KIF5C: variants seen among roughly 807,000 people sequenced by gnomAD.
KIF5C encodes the protein kinesin heavy chain isoform 5C.
KIF5C carries 18 observed loss-of-function variants against 125.2 expected under a neutral mutation model. The ratio of observed to expected loss-of-function variants is 0.14; its 90% CI spans 0.10 to 0.21. The LOEUF (loss-of-function observed/expected upper bound fraction) is 0.21. Among genes scored for constraint, KIF5C ranks in the 10% least tolerant of loss-of-function variants. The pLI is 1.00. For missense variants in KIF5C, 780 were observed against 1,183.8 expected, an observed-to-expected ratio of 0.66 and a Z score of 5.01; for synonymous variants, 405 against 434.0, an observed-to-expected ratio of 0.93 and a Z score of 0.83.
rs1681209625 is a variant in KIF5C, at chr2:148,876,908, A to G, written c.126+1165A>G. On this transcript the variant is annotated intron_variant, in intron 1 of 25. Coordinates refer to ENST00000435030, the MANE Select transcript of KIF5C (RefSeq NM_004522.3). The surrounding 1 kb of genome is among the most constrained non-coding windows in gnomAD (Gnocchi z 4.7). The stretch of plus-strand genomic sequence containing the variant: ...GCCTTCCCGTCCCCAGCATTGATTA[A>G]GTGATGTCATCCTGATCACTGAGCA... Among the ~76,000 whole-genome samples the G allele has an allele frequency of 6.6e-6, 1 of 152,150 alleles. No individual in the cohort carries two copies. The highest frequency in any genetic ancestry group is 1.9e-4 in the East Asian group (1 of 5,174).
At chr2:148,939,089 T>A (rs1682351811) in intron 4 of KIF5C, among the ~76,000 whole-genome samples, 1 of 121,356 alleles carries the variant, frequency 8.2e-6, no homozygotes, top group Non-Finnish European at 1.7e-5. Flanking sequence ...AGAGAGATTC[T>A]GTCTTAAAAA....
chr2:149,026,243 A>G lies in KIF5C; in HGVS notation c.*3173A>G, dbSNP rs1385510141. ...TCTTGAGCAAGCTAAAGAAACCATC[A>G]TAATCTAAAATTGCTTCATTTAACA... is the stretch of plus-strand genomic sequence containing the variant. On this transcript the variant is annotated 3_prime_UTR_variant, in exon 26 of 26. Coordinates refer to ENST00000435030, the MANE Select transcript of KIF5C (RefSeq NM_004522.3). 6.6e-6 allele frequency: 1 copy of G among 152,256 alleles called. No individual in the cohort carries two copies. Among genetic ancestry groups the G allele is most frequent in the African/African-American group, 2.4e-5 (1 of 41,462 alleles). The allele number at this position is 152,256 out of a possible 1,614,324, so 9.4% of individuals were successfully genotyped here. A position where few individuals can be genotyped will look rare whatever the true frequency, so the allele number is the denominator to read the frequency against.
chr2:148,903,387 C>A (rs551190046), intron 1 of KIF5C, among the ~76,000 whole-genome samples: 1 of 152,296 alleles, frequency 6.6e-6, no homozygotes, highest in Admixed American at 6.5e-5. Flanking sequence ...CCTTCTCCCT[C>A]CTTGAAAGAA....
At chr2:149,017,935 G>C (rs963349853) in intron 25 of KIF5C, among the ~76,000 whole-genome samples, 2 of 152,122 alleles carry the variant, frequency 1.3e-5, no homozygotes, top group Non-Finnish European at 2.9e-5. Flanking sequence ...AAAATAAAGA[G>C]CTAGGTGCAA....
At position 148,981,615 on chromosome 2, in the gene KIF5C, T is replaced by G. The variant is rs1466014032; in HGVS notation, c.1569+54T>G. 2.6e-6 allele frequency: 4 copies of G among 1,511,458 alleles called. No individual in the cohort carries two copies. The Admixed American group carries it at 8.7e-5, about 33-fold the overall frequency. 93.6% of individuals were successfully genotyped at this position (1,511,458 alleles called of 1,614,324 possible). On this transcript the variant is annotated intron_variant, in intron 14 of 25. Coordinates refer to ENST00000435030, the MANE Select transcript of KIF5C (RefSeq NM_004522.3). ...ACTTCCTTGGCTGCCGTTCCTGTAC[T>G]CATATTGATATTCATTGACAGACAT... is the stretch of plus-strand genomic sequence containing the variant.
At chr2:148,966,324 G>A (rs1683047328) in intron 11 of KIF5C, among the ~76,000 whole-genome samples, 1 of 151,604 alleles carries the variant, frequency 6.6e-6, no homozygotes, top group Non-Finnish European at 1.5e-5. Flanking sequence ...CAAGGAAGGG[G>A]TATGTGTAGC....
intron 25 of KIF5C, among the ~76,000 whole-genome samples, chr2:149,022,643 G>C (rs1176557722): frequency 1.3e-5 from 2 of 151,734 alleles, no homozygotes; most frequent in South Asian, 4.2e-4. Context: ...ATGTGGCTTG[G>C]CCGGGCACGG....
chr2:148,996,156 A>G (rs1196112668), intron 17 of KIF5C, among the ~76,000 whole-genome samples: 1 of 152,112 alleles, frequency 6.6e-6, no homozygotes. Flanking sequence ...CTCCATCTTG[A>G]AAAAAAAGTG....
chr2:148,936,160 C>T (rs1053834455), intron 3 of KIF5C, among the ~76,000 whole-genome samples: 1 of 152,142 alleles, frequency 6.6e-6, no homozygotes, highest in Non-Finnish European at 1.5e-5. Context: ...TGCGGTGGTG[C>T]ACACCTGTAG....
chr2:148,939,272 C>T (rs1682357889), intron 4 of KIF5C, among the ~76,000 whole-genome samples: 2 of 152,194 alleles, frequency 1.3e-5, no homozygotes. Flanking sequence ...AAAGAAGGCA[C>T]CAACTGTTTG....
At chr2:148,979,477 T>G (rs1335252624) in intron 13 of KIF5C, among the ~76,000 whole-genome samples, 2 of 152,260 alleles carry the variant, frequency 1.3e-5, no homozygotes, top group African/African-American at 4.8e-5. Flanking sequence ...TTTCTCTATG[T>G]TGGTCAGGGT....
chr2:148,922,214 G>A lies in KIF5C; in HGVS notation c.204G>A (p.Lys68=), dbSNP rs750876202. ...TQEQVYNACA[K]QIVKDVLEGY... ...AGCAGGTTTACAATGCATGTGCGAAGCAAATTGTCAAAGGTAAGTGCTATT... is the reference window on the plus strand; with the variant it reads ...AGCAGGTTTACAATGCATGTGCGAAACAAATTGTCAAAGGTAAGTGCTATT... Residue 68 remains lysine (K), a synonymous_variant, in exon 2 of 26, where the codon AAG becomes AAA. Transcript: ENST00000435030. The A allele has an allele frequency of 6.2e-7, 1 of 1,610,914 alleles. No homozygotes were observed. The highest frequency in any genetic ancestry group is 1.1e-5 in the South Asian group (1 of 90,822).
intron 15 of KIF5C, among the ~76,000 whole-genome samples, chr2:148,989,795 T>C (rs1368067053): frequency 1.3e-5 from 2 of 152,214 alleles, no homozygotes; most frequent in African/African-American, 2.4e-5. Context: ...TGAATTCTTA[T>C]GGTAAGGTTG....
chr2:148,992,786 A>G lies in KIF5C; in HGVS notation c.1905+1588A>G, dbSNP rs566984465. On this transcript the variant is annotated intron_variant, in intron 16 of 25. Coordinates refer to ENST00000435030, the MANE Select transcript of KIF5C (RefSeq NM_004522.3). The stretch of plus-strand genomic sequence containing the variant: ...TTTAGAACTTTATTTTTTTATGATT[A>G]TATAGTTGTTATTTATAAAAAATTA... Among the ~76,000 whole-genome samples the G allele has an allele frequency of 1.2e-4, 19 of 152,346 alleles. No homozygotes were observed. In the East Asian group the frequency reaches 3.3e-3, roughly 26 times the overall value.
chr2:148,956,024 A>G (rs1316699278), intron 10 of KIF5C, among the ~76,000 whole-genome samples: 5 of 152,248 alleles, frequency 3.3e-5, no homozygotes, highest in African/African-American at 1.2e-4. Context: ...TGTCATTTAG[A>G]ACTGACTGTG....
intron 1 of KIF5C, among the ~76,000 whole-genome samples, chr2:148,912,422 A>G (rs1681377252): frequency 6.6e-6 from 1 of 152,250 alleles, no homozygotes; most frequent in Admixed American, 6.5e-5. Flanking sequence ...TCAGCAACAA[A>G]AAGTTTTTAA....
chr2:148,957,863 A>C (rs952096290), intron 10 of KIF5C, among the ~76,000 whole-genome samples: 6 of 152,066 alleles, frequency 3.9e-5, no homozygotes, highest in Non-Finnish European at 7.4e-5. Flanking sequence ...TGACCCTCTC[A>C]GTCAACACCG....
At chr2:148,936,468 A>G (rs73966653) in intron 3 of KIF5C, among the ~76,000 whole-genome samples, 22,928 of 152,160 alleles carry the variant, frequency 0.15, 2,857 homozygotes, top group African/African-American at 0.33. Context: ...GTTGCTTTCA[A>G]TACTTCTGGA....
chr2:148,978,077 T>C (rs1327768028), intron 12 of KIF5C, among the ~76,000 whole-genome samples: 2 of 152,196 alleles, frequency 1.3e-5, no homozygotes, highest in Admixed American at 6.5e-5. Context: ...TTTCAAATTT[T>C]ATTTGAAGTC....
Sources: gnomAD v4.1 joint callset for allele counts (sites outside exome capture counted in the v4.1 genomes callset) on GRCh38, gnomAD v4.1.1 for gene constraint, Gnocchi (gnomAD v3.1) non-coding constraint, MANE v1.5 for transcripts, NCBI Gene and HGNC (gene_info 2026-07-23, HGNC 2026-07-21) for gene names.